CASQ2: variants seen among roughly 807,000 people sequenced by gnomAD.
The protein encoded by CASQ2 is calsequestrin 2, also known as calsequestrin-2.
In CASQ2, 49 loss-of-function variants were observed where a neutral mutation model predicts 46.5. The ratio of observed to expected loss-of-function variants is 1.05; its 90% CI spans 0.84 to 1.34. CASQ2 has a LOEUF of 1.34. Among genes scored for constraint, CASQ2 ranks in the 40% most tolerant of loss-of-function variants. The pLI is 0.00. For missense variants in CASQ2, 486 were observed against 481.3 expected, an observed-to-expected ratio of 1.01 and a Z score of -0.09; for synonymous variants, 174 against 168.5, an observed-to-expected ratio of 1.03 and a Z score of -0.25.
At chr1:115,726,062 C>T (rs1039948284) in intron 6 of CASQ2, among the ~76,000 whole-genome samples, 3 of 152,176 alleles carry the variant, frequency 2.0e-5, no homozygotes, top group East Asian at 1.9e-4. Context: ...TCATTTCTTT[C>T]TGAATATTGG....
At chr1:115,703,425 G>A (rs1326060605) in intron 9 of CASQ2, among the ~76,000 whole-genome samples, 1 of 152,076 alleles carries the variant, frequency 6.6e-6, no homozygotes, top group Non-Finnish European at 1.5e-5. Context: ...ATTCAACCAG[G>A]CTTGGACTCC....
chr1:115,739,358 G>A (rs527300813), intron 3 of CASQ2, among the ~76,000 whole-genome samples: 21 of 151,416 alleles, frequency 1.4e-4, no homozygotes, highest in Middle Eastern at 3.4e-3. Context: ...CTTGTGATCA[G>A]CCCACCTTGG....
intron 4 of CASQ2, among the ~76,000 whole-genome samples, chr1:115,734,902 G>T (rs1317402282): frequency 2.0e-5 from 3 of 152,040 alleles, no homozygotes; most frequent in Non-Finnish European, 2.9e-5. Context: ...AATTTGTTGG[G>T]GATGAAACAT....
intron 1 of CASQ2, among the ~76,000 whole-genome samples, chr1:115,765,882 T>C (rs529354023): frequency 1.2e-4 from 19 of 152,328 alleles, no homozygotes; most frequent in African/African-American, 4.6e-4. Flanking sequence ...AGACTATTTT[T>C]CTTAGTGCAA....
intron 7 of CASQ2, among the ~76,000 whole-genome samples, chr1:115,719,791 C>T (rs1410615751): frequency 2.0e-5 from 3 of 152,092 alleles, no homozygotes; most frequent in East Asian, 1.9e-4. Flanking sequence ...TGAGAACCCC[C>T]GGGGCTTCTC....
At position 115,725,551 on chromosome 1, in the gene CASQ2, G is replaced by C. The variant is rs768261470; in HGVS notation, c.740C>G (p.Pro247Arg). Residue 247 changes from proline (P) to arginine (R), a missense_variant and splice_region_variant, in exon 7 of 11, where the codon CCC (proline) becomes CGC (arginine). Pro to Arg is a moderately radical substitution (Grantham distance 103). Transcript: ENST00000261448. ...LVEFVKEHQR[P>R]TLRRLRPEEM... is the part of the protein sequence containing the mutation. ...TTCTGGGCGCAGGCGACGTAGAGTG[G>C]GTCTGGAAAAAAAAAAAAAAAAAAA... 1 of 1,536,658 alleles carries C rather than the reference G, an allele frequency of 6.5e-7. No homozygotes were observed. The highest frequency in any genetic ancestry group is 8.7e-7 in the Non-Finnish European group (1 of 1,144,584).
chr1:115,756,767 C>T (rs1278530729), intron 1 of CASQ2, among the ~76,000 whole-genome samples: 13 of 151,968 alleles, frequency 8.6e-5, no homozygotes, highest in Non-Finnish European at 1.8e-4. Context: ...GCCAACATGA[C>T]GAAACCCCGT....
chr1:115,710,995 C>T (rs1654527905), intron 8 of CASQ2, among the ~76,000 whole-genome samples: 1 of 152,214 alleles, frequency 6.6e-6, no homozygotes, highest in Non-Finnish European at 1.5e-5. Context: ...CAGGCACAGC[C>T]AAGTCAGGAG....
intron 4 of CASQ2, among the ~76,000 whole-genome samples, chr1:115,737,821 C>T (rs375062979): frequency 1.3e-5 from 2 of 152,308 alleles, no homozygotes; most frequent in African/African-American, 4.8e-5. Context: ...CCCCAATTTT[C>T]CACTCATGCT....
At chr1:115,755,856 G>A (rs547704880) in intron 1 of CASQ2, among the ~76,000 whole-genome samples, 8 of 152,290 alleles carry the variant, frequency 5.3e-5, no homozygotes, top group African/African-American at 1.7e-4. Flanking sequence ...TAAGTGACCC[G>A]CCTGCAGTCA....
intron 8 of CASQ2, among the ~76,000 whole-genome samples, chr1:115,716,471 G>A (rs542592064): frequency 6.6e-6 from 1 of 152,290 alleles, no homozygotes; most frequent in East Asian, 1.9e-4. Flanking sequence ...TTTTCAGGTA[G>A]AATTGTGGTT....
At chr1:115,724,470 TTAA>T (rs369221255) in intron 7 of CASQ2, among the ~76,000 whole-genome samples, 2 of 152,280 alleles carry the variant, frequency 1.3e-5, no homozygotes, top group African/African-American at 4.8e-5. Flanking sequence ...GCCCGACTAA[TTAA>T]TAATACTTGT....
chr1:115,744,614 A>G (rs952505467), intron 2 of CASQ2, among the ~76,000 whole-genome samples: 6 of 152,216 alleles, frequency 3.9e-5, no homozygotes, highest in Non-Finnish European at 8.8e-5. Context: ...TACTGATACA[A>G]CAATCTCTTA....
At chr1:115,725,581 GAA>G in intron 6 of CASQ2, 28 bp from the exon 7 acceptor site, 3 of 979,022 alleles carry the variant, frequency 3.1e-6, no homozygotes, top group Non-Finnish European at 4.3e-6. Flanking sequence ...AAAAAAAAAA[GAA>G]AGAGCTTCCT....
chr1:115,705,401 A>C, intron 8 of CASQ2, 109 bp from the exon 9 acceptor site: 1 of 732,804 alleles, frequency 1.4e-6, no homozygotes, highest in East Asian at 2.7e-5. Context: ...TTTGGTGCTC[A>C]CCCTCAATTA....
intron 1 of CASQ2, among the ~76,000 whole-genome samples, chr1:115,758,407 C>T (rs1191039234): frequency 1.3e-5 from 2 of 152,228 alleles, no homozygotes. Context: ...CTGTTGAATA[C>T]CTACTGAGTC....
At chr1:115,719,799 C>T (rs1647304118) in intron 7 of CASQ2, among the ~76,000 whole-genome samples, 1 of 152,116 alleles carries the variant, frequency 6.6e-6, no homozygotes, top group South Asian at 2.1e-4. Context: ...CCCGGGGCTT[C>T]TCTGAATCCC....
intron 3 of CASQ2, among the ~76,000 whole-genome samples, chr1:115,739,146 G>C (rs1648078835): frequency 4.1e-5 from 1 of 24,250 alleles, no homozygotes; most frequent in South Asian, 2.1e-3. Flanking sequence ...GAGTCATGCT[G>C]TGTTGCCCAG....
At chr1:115,754,526 C>T (rs1414253487) in intron 1 of CASQ2, among the ~76,000 whole-genome samples, 1 of 152,188 alleles carries the variant, frequency 6.6e-6, no homozygotes, top group Non-Finnish European at 1.5e-5. Context: ...TGAATCTCTA[C>T]AAAACCCTCA....
Sources: gnomAD v4.1 joint callset for allele counts (sites outside exome capture counted in the v4.1 genomes callset) on GRCh38, gnomAD v4.1.1 for gene constraint, MANE v1.5 for transcripts, NCBI Gene and HGNC (gene_info 2026-07-23, HGNC 2026-07-21) for gene names.